The following CDH13 variants were observed in gnomAD, a reference collection of about 807,000 sequenced individuals.
CDH13 encodes cadherin 13.
A neutral mutation model predicts 63.8 loss-of-function variants in CDH13; 24 were observed. That is an observed-to-expected ratio of 0.38 (90% CI 0.27 to 0.53). The LOEUF is 0.53. Among genes scored for constraint, CDH13 ranks in the 20% least tolerant of loss-of-function variants. The pLI, the probability that CDH13 is intolerant of heterozygous loss-of-function variation, is 0.85. For synonymous variants in CDH13, 503 were observed against 355.3 expected, an observed-to-expected ratio of 1.42 and a Z score of -4.67; for missense variants, 1,049 against 903.1, an observed-to-expected ratio of 1.16 and a Z score of -2.07.
At chr16:83,037,907 C>T (rs1387876026) in intron 3 of CDH13, among the ~76,000 whole-genome samples, 2 of 152,122 alleles carry the variant, frequency 1.3e-5, no homozygotes, top group Non-Finnish European at 2.9e-5. Flanking sequence ...CACCAGACAT[C>T]AAGGGACAGT....
At chr16:82,989,802 A>G (rs1314315059) in intron 2 of CDH13, among the ~76,000 whole-genome samples, 2 of 152,110 alleles carry the variant, frequency 1.3e-5, no homozygotes, top group African/African-American at 2.4e-5. Context: ...AGGCAATGTG[A>G]TTTACGTTTA....
chr16:82,876,010 G>A (rs189373189), intron 2 of CDH13, among the ~76,000 whole-genome samples: 2 of 152,326 alleles, frequency 1.3e-5, no homozygotes, highest in Non-Finnish European at 2.9e-5. Context: ...GGCAAAAAGA[G>A]AATTTGTGCA....
At chr16:83,466,633 A>C (rs2073324122) in intron 6 of CDH13, among the ~76,000 whole-genome samples, 1 of 152,180 alleles carries the variant, frequency 6.6e-6, no homozygotes, top group Non-Finnish European at 1.5e-5. Context: ...TGTCCCATGG[A>C]ATGAAACGGA....
chr16:83,020,360 C>G (rs1915232029), intron 2 of CDH13, among the ~76,000 whole-genome samples: 2 of 152,104 alleles, frequency 1.3e-5, no homozygotes, highest in African/African-American at 4.8e-5. Flanking sequence ...TATTAACATT[C>G]CTGGGAAACT....
chr16:83,522,543 C>G (rs965519250), intron 7 of CDH13, among the ~76,000 whole-genome samples: 4 of 152,130 alleles, frequency 2.6e-5, no homozygotes, highest in African/African-American at 9.7e-5. Flanking sequence ...TTTTGAGTTA[C>G]AGGAAAACAA....
At chr16:82,966,634 A>G (rs1907877019) in intron 2 of CDH13, among the ~76,000 whole-genome samples, 1 of 152,176 alleles carries the variant, frequency 6.6e-6, no homozygotes. Flanking sequence ...TTTATTTTGA[A>G]ATGAATTCAG....
chr16:83,620,976 A>G (rs1598380713), intron 8 of CDH13, among the ~76,000 whole-genome samples: 1 of 152,152 alleles, frequency 6.6e-6, no homozygotes, highest in East Asian at 1.9e-4. Context: ...GCCAGTGTGA[A>G]TATCTGAAAG....
At chr16:83,232,209 CTTTTTT>C (rs1555516431) in intron 5 of CDH13, among the ~76,000 whole-genome samples, 2 of 68,854 alleles carry the variant, frequency 2.9e-5, no homozygotes, top group Non-Finnish European at 2.4e-5. Context: ...AAAGTGTTTT[CTTTTTT>C]TTTTTTTTTT....
chr16:83,694,677 G>T (rs149557478), intron 10 of CDH13, among the ~76,000 whole-genome samples: 38 of 152,300 alleles, frequency 2.5e-4, no homozygotes, highest in Non-Finnish European at 4.1e-4. Flanking sequence ...GTAAATCTCT[G>T]CAGGGCATGA....
intron 1 of CDH13, among the ~76,000 whole-genome samples, chr16:82,802,277 A>G (rs1165305927): frequency 6.6e-6 from 1 of 152,090 alleles, no homozygotes; most frequent in Non-Finnish European, 1.5e-5. Context: ...GTGAGTGCTC[A>G]CAGTATGTAG....
chr16:83,102,413 G>T (rs529482909), intron 3 of CDH13, among the ~76,000 whole-genome samples: 4 of 152,340 alleles, frequency 2.6e-5, no homozygotes, highest in South Asian at 2.1e-4. Context: ...GCTCTGAAGT[G>T]GGGGTGGGTC....
chr16:82,774,893 A>G (rs965200523), intron 1 of CDH13, among the ~76,000 whole-genome samples: 8 of 152,162 alleles, frequency 5.3e-5, no homozygotes, highest in Non-Finnish European at 8.8e-5. Context: ...AGCTCTTCCT[A>G]TAGCTGCAGC....
At chr16:82,917,303 A>G (rs571788116) in intron 2 of CDH13, among the ~76,000 whole-genome samples, 10 of 152,332 alleles carry the variant, frequency 6.6e-5, no homozygotes, top group African/African-American at 2.4e-4. Flanking sequence ...GCTCAGGGTT[A>G]CGTCAGGAAG....
chr16:83,590,072 T>G (rs189421023), intron 7 of CDH13, among the ~76,000 whole-genome samples: 1 of 151,984 alleles, frequency 6.6e-6, no homozygotes, highest in Admixed American at 6.5e-5. Context: ...TAACACTGAG[T>G]GAGGAGAACA....
chr16:83,313,297 A>G (rs1217425316), intron 5 of CDH13, among the ~76,000 whole-genome samples: 1 of 152,202 alleles, frequency 6.6e-6, no homozygotes, highest in Non-Finnish European at 1.5e-5. Flanking sequence ...GAAATCCTTG[A>G]GAGCAGTTAT....
At chr16:83,138,917 G>T (rs1455976812) in intron 4 of CDH13, among the ~76,000 whole-genome samples, 1 of 152,104 alleles carries the variant, frequency 6.6e-6, no homozygotes, top group South Asian at 2.1e-4. Context: ...GCAAGCAAGT[G>T]GACAGTGATG....
intron 7 of CDH13, among the ~76,000 whole-genome samples, chr16:83,495,747 T>A (rs2171686): frequency 0.98 from 148,710 of 152,284 alleles, 72,723 homozygotes; most frequent in East Asian, 1. Flanking sequence ...AAGCCCTCTT[T>A]TGAGACTTTT....
chr16:83,350,167 T>G (rs1211637981), intron 6 of CDH13, among the ~76,000 whole-genome samples: 4 of 152,170 alleles, frequency 2.6e-5, no homozygotes, highest in African/African-American at 9.7e-5. Context: ...CCTGTCCTCT[T>G]GAGGCCTCGG....
chr16:83,765,756 A>G (rs1198153145), intron 11 of CDH13, among the ~76,000 whole-genome samples: 1 of 151,786 alleles, frequency 6.6e-6, no homozygotes, highest in African/African-American at 2.4e-5. Flanking sequence ...TAACCTTAGA[A>G]GACTCCTGGT....
Sources: allele counts gnomAD v4.1 joint callset (sites outside exome capture counted in the v4.1 genomes callset), GRCh38; gene constraint gnomAD v4.1.1; transcripts MANE v1.5; gene names NCBI Gene and HGNC (gene_info 2026-07-23, HGNC 2026-07-21).